The following CPNE4 variants were observed in gnomAD, a reference collection of about 807,000 sequenced individuals.
The protein encoded by CPNE4 is copine-4.
In CPNE4, 25 loss-of-function variants were observed where a neutral mutation model predicts 67.9. The ratio of observed to expected loss-of-function variants is 0.37; its 90% CI spans 0.27 to 0.51. The LOEUF (loss-of-function observed/expected upper bound fraction) is 0.51. Ranked by LOEUF, CPNE4 falls within the 20% of genes least tolerant of loss-of-function variation. The probability of loss-of-function intolerance (pLI) is 0.93; values close to 1 mark genes in which losing one functional copy is unlikely to be tolerated. For missense variants in CPNE4, 464 were observed against 690.8 expected, an observed-to-expected ratio of 0.67 and a Z score of 3.68; for synonymous variants, 242 against 244.9, an observed-to-expected ratio of 0.99 and a Z score of 0.11.
At chr3:131,748,852 CTTTT>C (rs1183950508) in intron 2 of CPNE4, among the ~76,000 whole-genome samples, 6 of 152,090 alleles carry the variant, frequency 3.9e-5, no homozygotes, top group African/African-American at 9.6e-5. Context: ...TGTCTTCTCT[CTTTT>C]TTTATTTCCC....
intron 3 of CPNE4, among the ~76,000 whole-genome samples, chr3:131,717,186 G>A (rs1160549487): frequency 1.3e-5 from 2 of 151,222 alleles, no homozygotes; most frequent in Admixed American, 6.6e-5. Flanking sequence ...AAAGCTTTTA[G>A]TACAAATGCA....
At chr3:132,002,500 G>A (rs2073481213) in intron 1 of CPNE4, among the ~76,000 whole-genome samples, 3 of 152,064 alleles carry the variant, frequency 2.0e-5, no homozygotes, top group Non-Finnish European at 4.4e-5. Context: ...ATCCAAAAAG[G>A]TAGCACTAAA....
chr3:131,665,599 T>C (rs1021127584), intron 7 of CPNE4, among the ~76,000 whole-genome samples: 6 of 151,360 alleles, frequency 4.0e-5, no homozygotes, highest in African/African-American at 1.2e-4. Context: ...GCAGAGGTTG[T>C]AGTGAGCCTA....
At chr3:131,783,091 A>T (rs747891240) in intron 2 of CPNE4, among the ~76,000 whole-genome samples, 4 of 152,098 alleles carry the variant, frequency 2.6e-5, no homozygotes, top group Non-Finnish European at 5.9e-5. Context: ...AGTACCCATA[A>T]AAAGAAGAAA....
At chr3:131,925,356 A>T (rs1316300716) in intron 1 of CPNE4, among the ~76,000 whole-genome samples, 2 of 152,048 alleles carry the variant, frequency 1.3e-5, no homozygotes, top group Admixed American at 6.6e-5. Context: ...ATGCTCTCCT[A>T]ACACCCTGGG....
At chr3:131,696,029 A>G (rs1433573767) in intron 5 of CPNE4, among the ~76,000 whole-genome samples, 2 of 152,222 alleles carry the variant, frequency 1.3e-5, no homozygotes, top group Non-Finnish European at 2.9e-5. Flanking sequence ...CAAGCACCCA[A>G]CAAAGGTTTG....
At chr3:131,883,867 GC>G (rs2087776268) in intron 2 of CPNE4, among the ~76,000 whole-genome samples, 1 of 152,202 alleles carries the variant, frequency 6.6e-6, no homozygotes, top group Non-Finnish European at 1.5e-5. Flanking sequence ...AATAGGCTAA[GC>G]ACATGCCCGT....
chr3:132,037,505 A>G (rs1569282), upstream of CPNE4: 536,611 of 1,404,784 alleles, frequency 0.38, 105,093 homozygotes, highest in South Asian at 0.46. Flanking sequence ...CCCGCCAGCC[A>G]CAGTCCCCTC....
intron 7 of CPNE4, among the ~76,000 whole-genome samples, chr3:131,642,168 A>T (rs921405981): frequency 3.1e-4 from 47 of 151,996 alleles, no homozygotes; most frequent in Admixed American, 2.7e-3. Flanking sequence ...AATAAAAAAT[A>T]AAAAAATTTA....
intron 7 of CPNE4, among the ~76,000 whole-genome samples, chr3:131,649,431 C>T (rs757110431): frequency 7.9e-5 from 12 of 152,170 alleles, no homozygotes; most frequent in Non-Finnish European, 1.8e-4. Flanking sequence ...ACGAGAGGCA[C>T]CAGCAGGGGA....
intron 1 of CPNE4, among the ~76,000 whole-genome samples, chr3:131,958,000 A>T (rs2072027940): frequency 6.6e-6 from 1 of 152,246 alleles, no homozygotes; most frequent in Non-Finnish European, 1.5e-5. Flanking sequence ...AATACCTGAG[A>T]GTTTGATAGA....
intron 1 of CPNE4, among the ~76,000 whole-genome samples, chr3:131,935,249 T>G (rs1455898847): frequency 6.6e-6 from 1 of 152,038 alleles, no homozygotes; most frequent in Non-Finnish European, 1.5e-5. Flanking sequence ...TGAGAGTACT[T>G]GCAAGAGAGA....
chr3:132,010,923 C>T (rs914152120), intron 1 of CPNE4, among the ~76,000 whole-genome samples: 15 of 152,148 alleles, frequency 9.9e-5, no homozygotes, highest in Non-Finnish European at 1.8e-4. Context: ...CAAAGGCACC[C>T]CAGTAGGGGA....
intron 2 of CPNE4, among the ~76,000 whole-genome samples, chr3:131,777,656 T>A (rs1358608987): frequency 1.3e-5 from 2 of 152,092 alleles, no homozygotes; most frequent in African/African-American, 4.8e-5. Flanking sequence ...AGAGACTCAA[T>A]ATATATCCCA....
intron 1 of CPNE4, among the ~76,000 whole-genome samples, chr3:132,028,376 T>A (rs2074161071): frequency 6.6e-6 from 1 of 152,230 alleles, no homozygotes; most frequent in Non-Finnish European, 1.5e-5. Context: ...ACAATTTCAA[T>A]GTTTCTTTTC....
chr3:131,560,711 T>C (rs1374659893), intron 11 of CPNE4, among the ~76,000 whole-genome samples: 9 of 152,054 alleles, frequency 5.9e-5, no homozygotes, highest in Admixed American at 6.6e-5. Flanking sequence ...GGGGCTTAAA[T>C]AGATGCTGCA....
At chr3:131,681,718 C>T (rs868689487) in intron 6 of CPNE4, among the ~76,000 whole-genome samples, 1 of 152,008 alleles carries the variant, frequency 6.6e-6, no homozygotes, top group Middle Eastern at 3.4e-3. Context: ...AACTTTCCAC[C>T]CTTATCTCTT....
chr3:131,912,758 A>G (rs1000738032), intron 1 of CPNE4, among the ~76,000 whole-genome samples: 1 of 152,160 alleles, frequency 6.6e-6, no homozygotes, highest in Non-Finnish European at 1.5e-5. Flanking sequence ...CTGAAGTTTC[A>G]TACTCTGGAG....
At chr3:131,642,280 T>C (rs1381259793) in intron 7 of CPNE4, among the ~76,000 whole-genome samples, 1 of 151,596 alleles carries the variant, frequency 6.6e-6, no homozygotes, top group African/African-American at 2.4e-5. Flanking sequence ...AGAAATTTGA[T>C]GTCAGCTGAA....
Sources: allele counts gnomAD v4.1 joint callset (sites outside exome capture counted in the v4.1 genomes callset), GRCh38; gene constraint gnomAD v4.1.1; transcripts MANE v1.5; gene names NCBI Gene and HGNC (gene_info 2026-07-23, HGNC 2026-07-21).